The following CCDC171 variants were observed in gnomAD, a reference collection of about 807,000 sequenced individuals.
CCDC171 encodes the protein coiled-coil domain-containing protein 171.
A neutral mutation model predicts 168.2 loss-of-function variants in CCDC171; 177 were observed. The observed-to-expected ratio is 1.05, with a 90% CI of 0.93 to 1.19. The LOEUF is 1.19. Ranked by LOEUF, CCDC171 falls within the 50% of genes most tolerant of loss-of-function variation. CCDC171 has a pLI of 0.00. For missense variants in CCDC171, 1,991 were observed against 1,539.0 expected, an observed-to-expected ratio of 1.29 and a Z score of -4.91; for synonymous variants, 687 against 540.8, an observed-to-expected ratio of 1.27 and a Z score of -3.75.
At chr9:15,579,623 A>G (rs528347590) in intron 4 of CCDC171, among the ~76,000 whole-genome samples, 2 of 152,320 alleles carry the variant, frequency 1.3e-5, no homozygotes, top group South Asian at 4.1e-4. Context: ...CAGATGAGGG[A>G]CCAGAAAATG....
At chr9:15,915,706 G>C (rs1327572637) in intron 24 of CCDC171, among the ~76,000 whole-genome samples, 1 of 152,086 alleles carries the variant, frequency 6.6e-6, no homozygotes, top group Non-Finnish European at 1.5e-5. Flanking sequence ...TTCTTAGAAT[G>C]CTTTCAACTT....
At chr9:15,601,791 A>G (rs957343593) in intron 6 of CCDC171, among the ~76,000 whole-genome samples, 9 of 152,236 alleles carry the variant, frequency 5.9e-5, no homozygotes, top group Non-Finnish European at 1.3e-4. Flanking sequence ...TGGAATAAAC[A>G]AGCAAAATAA....
intron 18 of CCDC171, among the ~76,000 whole-genome samples, chr9:15,762,434 A>C (rs981879870): frequency 6.6e-6 from 1 of 152,190 alleles, no homozygotes. Context: ...AAAGTCAACT[A>C]TGGTAGCCTA....
chr9:15,911,361 C>T (rs10810474), intron 24 of CCDC171, among the ~76,000 whole-genome samples: 50,092 of 152,084 alleles, frequency 0.33, 10,239 homozygotes, highest in East Asian at 0.62. Context: ...AAAGTGTCTG[C>T]TCATATCCTT....
Position 15,560,881 on chromosome 9 carries a change from C to G in CCDC171, c.-111-3097C>G, listed in dbSNP as rs372757182. Among the ~76,000 whole-genome samples, 122 of 152,160 alleles carry G rather than the reference C, an allele frequency of 8.0e-4. 1 individual carries two copies. Among genetic ancestry groups the G allele is most frequent in the African/African-American group, 2.7e-3 (112 of 41,526 alleles). The stretch of plus-strand genomic sequence containing the variant: ...CTTTGTGGTTTTATCTACCTTTGGT[C>G]TTTGTTGATGGTGACATACAGATGA... On this transcript the variant is annotated intron_variant, in intron 1 of 25. Coordinates refer to ENST00000380701, the MANE Select transcript of CCDC171 (RefSeq NM_173550.4).
intron 1 of CCDC171, among the ~76,000 whole-genome samples, chr9:15,556,959 G>A (rs1229261880): frequency 1.3e-5 from 2 of 152,132 alleles, no homozygotes; most frequent in Non-Finnish European, 1.5e-5. Flanking sequence ...TTCTGCATAT[G>A]GCTAGCCAGT....
the CCDC171 span, among the ~76,000 whole-genome samples, chr9:16,094,735 C>G: frequency 6.6e-6 from 1 of 152,196 alleles, no homozygotes; most frequent in Non-Finnish European, 1.5e-5. Context: ...AAGTTTGTAT[C>G]TTACATGATG....
chr9:15,671,669 C>T (rs1261190960), intron 9 of CCDC171, among the ~76,000 whole-genome samples: 3 of 146,222 alleles, frequency 2.1e-5, no homozygotes, highest in African/African-American at 5.0e-5. Flanking sequence ...TCATCCATGT[C>T]GCTGCAAAGG....
rs531242107 is a variant in CCDC171, at chr9:15,779,265, A to G, written c.3081+115A>G. 2.1e-4 allele frequency: 111 copies of G among 527,830 alleles called. 1 individual carries two copies. The South Asian group carries it at 7.2e-3, about 34-fold the overall frequency. 32.7% of individuals were successfully genotyped at this position (527,830 alleles called of 1,614,324 possible). A position where few individuals can be genotyped will look rare whatever the true frequency, so the allele number is the denominator to read the frequency against. ...GGTTTTTCAAATAATTCAAAAGCCT[A>G]TTAATAACATCTCTTTTTCTTCAGA... On this transcript the variant is annotated intron_variant, in intron 20 of 25. Coordinates refer to ENST00000380701, the MANE Select transcript of CCDC171 (RefSeq NM_173550.4).
chr9:15,609,240 C>T (rs1258711237), intron 6 of CCDC171, among the ~76,000 whole-genome samples: 2 of 151,872 alleles, frequency 1.3e-5, no homozygotes, highest in Non-Finnish European at 2.9e-5. Context: ...GCTGGGATTA[C>T]AGGTGCCTGC....
chr9:15,694,072 A>G (rs2051027793), intron 10 of CCDC171, among the ~76,000 whole-genome samples: 1 of 152,178 alleles, frequency 6.6e-6, no homozygotes, highest in South Asian at 2.1e-4. Context: ...AATTGGCATG[A>G]TTGACAACTC....
At position 15,571,744 on chromosome 9, in the gene CCDC171, C is replaced by A. The variant is rs1328825764; in HGVS notation, c.162C>A (p.Thr54=). The A allele has an allele frequency of 6.3e-7, 1 of 1,582,564 alleles. No individual in the cohort carries two copies. ...AAAAAGAAAAGTTAGAAATAACAAC[C>A]AAACACAATGCAGAGGTACGATTTA... The part of the protein sequence containing the change: ...WAKKEKLEIT[T]KHNAELASYE... The change falls in exon 3 of 26, where the codon ACC becomes ACA. Residue 54 remains threonine (T), a synonymous_variant. Transcript: ENST00000380701.
At chr9:15,604,830 A>T (rs1438524336) in intron 6 of CCDC171, among the ~76,000 whole-genome samples, 2 of 152,234 alleles carry the variant, frequency 1.3e-5, no homozygotes, top group Non-Finnish European at 2.9e-5. Flanking sequence ...ATATCCACGT[A>T]ACAGAATAGT....
At chr9:15,830,208 A>G (rs2060173110) in intron 21 of CCDC171, among the ~76,000 whole-genome samples, 1 of 152,184 alleles carries the variant, frequency 6.6e-6, no homozygotes, top group African/African-American at 2.4e-5. Flanking sequence ...TCATTATGAG[A>G]AAGTGTTTTT....
intron 6 of CCDC171, among the ~76,000 whole-genome samples, chr9:15,601,111 G>A (rs944588668): frequency 5.9e-5 from 9 of 152,130 alleles, no homozygotes; most frequent in East Asian, 3.9e-4. Context: ...GCCCTGCTTC[G>A]ACTCACGCTC....
chr9:16,016,426 TGAAA>T (rs1833019578), intron 3 of CCDC171, among the ~76,000 whole-genome samples: 1 of 151,934 alleles, frequency 6.6e-6, no homozygotes, highest in African/African-American at 2.4e-5. Flanking sequence ...AGTGAATGAA[TGAAA>T]GAAAGAAAGA....
chr9:15,918,733 C>T (rs916113795), intron 24 of CCDC171, among the ~76,000 whole-genome samples: 1 of 151,414 alleles, frequency 6.6e-6, no homozygotes, highest in African/African-American at 2.4e-5. Flanking sequence ...CCTTTTATGC[C>T]TAGCCTATAG....
At position 15,564,114 on chromosome 9, in the gene CCDC171, C is replaced by G. The variant is rs551185670; in HGVS notation, c.26C>G (p.Thr9Ser). 2.5e-6 allele frequency: 4 copies of G among 1,608,198 alleles called. No homozygotes were observed. Among genetic ancestry groups the G allele is most frequent in the Admixed American group, 3.4e-5 (2 of 58,718 alleles). The change falls in exon 2 of 26, where the codon ACT becomes AGT. Residue 9 changes from threonine (T) to serine (S), a missense_variant. Thr to Ser is a moderately conservative substitution (Grantham distance 58). Transcript: ENST00000380701. The part of the protein sequence containing the change: MNLNTSSN[T>S]GDTQRLKIAS... ...ATGAATTTGAATACTTCAAGTAATA[C>G]TGGTGATACCCAAAGGTAAGCCTCT...
chr9:15,785,385 T>A (rs1343319311), intron 21 of CCDC171, among the ~76,000 whole-genome samples: 3 of 152,154 alleles, frequency 2.0e-5, no homozygotes, highest in Non-Finnish European at 4.4e-5. Context: ...TAGGATATCA[T>A]ACTTAATACA....
Sources: allele counts gnomAD v4.1 joint callset (sites outside exome capture counted in the v4.1 genomes callset), GRCh38; gene constraint gnomAD v4.1.1; transcripts MANE v1.5; gene names NCBI Gene and HGNC (gene_info 2026-07-23, HGNC 2026-07-21).